Variants in FBXO34 observed in about 807,000 individuals in gnomAD.
The protein encoded by FBXO34 is F-box protein 34, also known as F-box only protein 34.
A neutral mutation model predicts 24.5 loss-of-function variants in FBXO34; 12 were observed. The ratio of observed to expected loss-of-function variants is 0.49; its 90% CI spans 0.31 to 0.79. The LOEUF is 0.79. Ranked by LOEUF, FBXO34 falls within the 30% of genes least tolerant of loss-of-function variation. FBXO34 has a pLI of 0.04. For synonymous variants in FBXO34, 320 were observed against 311.9 expected (o/e 1.03, Z -0.27); for missense variants, 823 against 857.7 (o/e 0.96, Z 0.51).
rs143552506 is a variant in FBXO34, at chr14:55,332,889, G to A, written c.-10-17492G>A. On this transcript the variant is annotated intron_variant, in intron 1 of 1. Coordinates refer to ENST00000313833, the MANE Select transcript of FBXO34 (RefSeq NM_017943.4). ...GTTTGTGGTGACATGAGAGCCACTA[G>A]CGGACAGAGACTGGGGAGAAGGATT... is the stretch of plus-strand genomic sequence containing the variant. 4.7e-3 allele frequency among the ~76,000 whole-genome samples: 719 copies of A among 152,308 alleles called. 4 individuals carry two copies. The highest frequency in any genetic ancestry group is 0.016 in the African/African-American group (672 of 41,572).
At chr14:55,277,134 C>T (rs956972115) in intron 1 of FBXO34, among the ~76,000 whole-genome samples, 3 of 152,198 alleles carry the variant, frequency 2.0e-5, no homozygotes, top group Non-Finnish European at 4.4e-5. Flanking sequence ...CAAAAAGTTC[C>T]TTCCTGCACC....
the FBXO34 span, among the ~76,000 whole-genome samples, chr14:55,437,645 G>A: frequency 1.3e-5 from 2 of 152,198 alleles, no homozygotes; most frequent in Admixed American, 6.5e-5. Flanking sequence ...GAGCAACCAT[G>A]CTCTAAATTG....
At chr14:55,397,298 T>C in the FBXO34 span, 2 of 1,270,912 alleles carry the variant, frequency 1.6e-6, no homozygotes, top group Non-Finnish European at 2.3e-6. Flanking sequence ...TATATCTGCA[T>C]ACCACAGCAC....
the FBXO34 span, chr14:55,413,906 C>T: frequency 8.7e-6 from 4 of 461,728 alleles, no homozygotes; most frequent in Admixed American, 6.7e-5. Flanking sequence ...TTGCGGAGCA[C>T]TCCTTTTTGA....
At chr14:55,403,426 T>C in the FBXO34 span, among the ~76,000 whole-genome samples, 1 of 152,156 alleles carries the variant, frequency 6.6e-6, no homozygotes, top group Admixed American at 6.5e-5. Flanking sequence ...ATACTACAGT[T>C]CCTTCATTCA....
chr14:55,432,916 A>T, the FBXO34 span, among the ~76,000 whole-genome samples: 5 of 152,218 alleles, frequency 3.3e-5, no homozygotes, highest in Admixed American at 6.5e-5. Context: ...ATGCAAGCTA[A>T]TGCTCAAGGA....
At chr14:55,363,015 C>T (rs72717727), downstream of FBXO34, among the ~76,000 whole-genome samples, 28 of 119,722 alleles carry the variant, frequency 2.3e-4, no homozygotes, top group African/African-American at 8.1e-4. Flanking sequence ...CCCCTTTTTT[C>T]TCTCTCTCTT....
chr14:55,438,442 G>C, the FBXO34 span, among the ~76,000 whole-genome samples: 2 of 152,146 alleles, frequency 1.3e-5, no homozygotes, highest in Non-Finnish European at 2.9e-5. Flanking sequence ...AAGTGAGATG[G>C]GGACAATGGG....
chr14:55,305,665 C>CA (rs911131291), intron 1 of FBXO34, among the ~76,000 whole-genome samples: 3,113 of 76,850 alleles, frequency 0.041, 66 homozygotes, highest in African/African-American at 0.092. Flanking sequence ...CTGCACTCCT[C>CA]AAAAAAAAAA....
the FBXO34 span, among the ~76,000 whole-genome samples, chr14:55,400,965 C>T: frequency 6.8e-6 from 1 of 146,428 alleles, no homozygotes. Flanking sequence ...AAATAAACTG[C>T]TTAGTCAAAG....
chr14:55,277,184 C>G (rs1233012130), intron 1 of FBXO34, among the ~76,000 whole-genome samples: 1 of 152,206 alleles, frequency 6.6e-6, no homozygotes, highest in Non-Finnish European at 1.5e-5. Context: ...CTCCTGCAAT[C>G]ATATTTCTAC....
At chr14:55,403,601 A>G in the FBXO34 span, among the ~76,000 whole-genome samples, 1 of 152,204 alleles carries the variant, frequency 6.6e-6, no homozygotes, top group South Asian at 2.1e-4. Flanking sequence ...AAAAGATAAA[A>G]GTTTACAGCT....
the FBXO34 span, among the ~76,000 whole-genome samples, chr14:55,386,965 C>T: frequency 2.6e-5 from 4 of 152,296 alleles, no homozygotes; most frequent in South Asian, 2.1e-4. Context: ...TTATTTTTGA[C>T]GTGTCCACTG....
chr14:55,415,423 A>G, the FBXO34 span, among the ~76,000 whole-genome samples: 1 of 152,228 alleles, frequency 6.6e-6, no homozygotes, highest in Non-Finnish European at 1.5e-5. Context: ...AAGAATTACT[A>G]CATGACCCAA....
chr14:55,378,497 AC>A, the FBXO34 span, among the ~76,000 whole-genome samples: 1 of 152,094 alleles, frequency 6.6e-6, no homozygotes, highest in Non-Finnish European at 1.5e-5. Flanking sequence ...CAAGATTTGC[AC>A]CCCATCTTCC....
chr14:55,279,441 T>C (rs946277783), intron 1 of FBXO34, among the ~76,000 whole-genome samples: 7 of 152,264 alleles, frequency 4.6e-5, no homozygotes, highest in African/African-American at 9.6e-5. Flanking sequence ...TGAACAGATA[T>C]TGCTAATATA....
the FBXO34 span, among the ~76,000 whole-genome samples, chr14:55,430,368 T>C: frequency 7.1e-6 from 1 of 139,932 alleles, no homozygotes; most frequent in South Asian, 2.3e-4. Flanking sequence ...ATGTGTCACC[T>C]CATTTAATGT....
chr14:55,289,977 A>G (rs180889198), intron 1 of FBXO34, among the ~76,000 whole-genome samples: 13 of 152,316 alleles, frequency 8.5e-5, no homozygotes, highest in Non-Finnish European at 5.9e-5. Context: ...TGTGATAGAA[A>G]ACTTAACAGT....
chr14:55,377,198 T>A, the FBXO34 span, among the ~76,000 whole-genome samples: 1 of 152,038 alleles, frequency 6.6e-6, no homozygotes, highest in Non-Finnish European at 1.5e-5. Flanking sequence ...AATACAAAAA[T>A]TAGCCAGGCA....
Sources: allele counts gnomAD v4.1 joint callset (sites outside exome capture counted in the v4.1 genomes callset), GRCh38; gene constraint gnomAD v4.1.1; transcripts MANE v1.5; gene names NCBI Gene and HGNC (gene_info 2026-07-23, HGNC 2026-07-21).